Variants in TRPM3 observed in about 807,000 individuals in gnomAD.
The protein encoded by TRPM3 is long transient receptor potential channel 3.
In TRPM3, 77 loss-of-function variants were observed where a neutral mutation model predicts 181.2. The observed-to-expected ratio is 0.42, with a 90% CI of 0.35 to 0.51. The LOEUF (loss-of-function observed/expected upper bound fraction) is 0.51. TRPM3 is among the 20% of genes least tolerant of loss of function. The pLI is 0.01. For missense variants in TRPM3, 1,759 were observed against 2,196.7 expected (o/e 0.80, Z 3.98); for synonymous variants, 745 against 796.4 (o/e 0.94, Z 1.09).
intron 1 of TRPM3, among the ~76,000 whole-genome samples, chr9:70,923,563 A>G (rs2096681645): frequency 6.6e-6 from 1 of 152,128 alleles, no homozygotes; most frequent in Non-Finnish European, 1.5e-5. Context: ...AAGTAATGCC[A>G]TTAATACAAG....
intron 1 of TRPM3, among the ~76,000 whole-genome samples, chr9:71,446,289 A>G (rs2094202409): frequency 6.6e-6 from 1 of 152,200 alleles, no homozygotes; most frequent in African/African-American, 2.4e-5. Context: ...TACCTTCGAC[A>G]TGCTGCACAG....
rs368789566 is a variant in TRPM3 at position 70,915,105 on chromosome 9, C to A, written c.178-50594G>T. On this transcript the variant is annotated intron_variant, in intron 1 of 25. Coordinates refer to ENST00000677713, the MANE Select transcript of TRPM3 (RefSeq NM_001366145.2). ...GAAAACATGGCCTCATGAAATGAAC[C>A]AAATAAGATCATAGAGAAACAGAGA... Among the ~76,000 whole-genome samples the A allele has an allele frequency of 2.6e-5, 4 of 152,188 alleles. No homozygotes were observed. The South Asian group carries it at 6.2e-4, about 24-fold the overall frequency.
At chr9:70,830,084 A>C (rs10868901) in intron 5 of TRPM3, among the ~76,000 whole-genome samples, 41,566 of 152,114 alleles carry the variant, frequency 0.27, 6,293 homozygotes, top group Non-Finnish European at 0.33. Context: ...GGGTAAGACC[A>C]AAGCAGTCTG....
At chr9:70,620,052 G>A (rs753394337) in intron 16 of TRPM3, 24 bp downstream of exon 16, 1 of 1,586,362 alleles carries the variant, frequency 6.3e-7, no homozygotes. Context: ...CCCCTGACCA[G>A]CCCATTTTGC....
At chr9:70,905,433 C>A (rs1480362869) in intron 1 of TRPM3, among the ~76,000 whole-genome samples, 3 of 151,986 alleles carry the variant, frequency 2.0e-5, no homozygotes, top group South Asian at 4.2e-4. Flanking sequence ...CAGAAGATAC[C>A]AAAGGTCCTA....
In TRPM3 at chr9:70,642,220, A is replaced by C. The variant is rs1314053296; in HGVS notation, c.1346-1560T>G. ...CCAGTTAATCTGGGGACTGGGTCTTATTGTCTCCTGTCTCATTGAAACATA... is the reference window on the plus strand; with the variant it reads ...CCAGTTAATCTGGGGACTGGGTCTTCTTGTCTCCTGTCTCATTGAAACATA... On this transcript the variant is annotated intron_variant, in intron 9 of 25. Transcript: ENST00000677713. 2.0e-5 allele frequency among the ~76,000 whole-genome samples: 3 copies of C among 152,226 alleles called. No homozygotes were observed. In the South Asian group the frequency reaches 6.2e-4, roughly 32 times the overall value.
chr9:70,957,256 G>A (rs985381696), intron 1 of TRPM3, among the ~76,000 whole-genome samples: 3 of 151,980 alleles, frequency 2.0e-5, no homozygotes, highest in Admixed American at 6.6e-5. Context: ...GAGCCACTGC[G>A]CCTGGCCAAC....
chr9:71,200,269 T>G (rs190054743), intron 1 of TRPM3, among the ~76,000 whole-genome samples: 28 of 151,998 alleles, frequency 1.8e-4, no homozygotes, highest in African/African-American at 6.5e-4. Flanking sequence ...CTTTTACACT[T>G]GCTGAGGAGA....
intron 1 of TRPM3, among the ~76,000 whole-genome samples, chr9:71,189,131 AT>A (rs2077859386): frequency 6.6e-6 from 1 of 151,816 alleles, no homozygotes; most frequent in Non-Finnish European, 1.5e-5. Context: ...GATGTTTAGA[AT>A]TTCTGGGATA....
At chr9:71,444,248 C>T (rs7856109) in intron 1 of TRPM3, among the ~76,000 whole-genome samples, 7 of 150,796 alleles carry the variant, frequency 4.6e-5, no homozygotes, top group Non-Finnish European at 8.8e-5. Flanking sequence ...ATCATTCCCT[C>T]GGAATAACTT....
intron 1 of TRPM3, among the ~76,000 whole-genome samples, chr9:71,347,528 G>C (rs990095955): frequency 6.6e-6 from 1 of 152,062 alleles, no homozygotes; most frequent in South Asian, 2.1e-4. Context: ...TGGATACTGT[G>C]GTTAGTTTTA....
chr9:71,182,003 G>A (rs1301482496), intron 1 of TRPM3, among the ~76,000 whole-genome samples: 1 of 152,078 alleles, frequency 6.6e-6, no homozygotes, highest in African/African-American at 2.4e-5. Context: ...TCATTGTTAG[G>A]CATGTTAAAT....
At chr9:70,672,871 G>T (rs930327431) in intron 9 of TRPM3, among the ~76,000 whole-genome samples, 1 of 151,970 alleles carries the variant, frequency 6.6e-6, no homozygotes, top group African/African-American at 2.4e-5. Flanking sequence ...GTGCAACTAG[G>T]GTCATCTGGG....
intron 16 of TRPM3, 53 bp downstream of exon 16, chr9:70,620,023 G>A: frequency 1.9e-6 from 3 of 1,545,064 alleles, no homozygotes; most frequent in East Asian, 2.3e-5. Flanking sequence ...AGCACTGGGA[G>A]CCCACCTTTC....
intron 3 of TRPM3, 52 bp downstream of exon 3, chr9:70,862,856 G>C (rs2095556426): frequency 6.3e-7 from 1 of 1,577,192 alleles, no homozygotes; most frequent in Non-Finnish European, 8.7e-7. Flanking sequence ...CCCTTTGCAG[G>C]ACTTGAGACT....
At chr9:71,206,936 C>T (rs1225427199) in intron 1 of TRPM3, among the ~76,000 whole-genome samples, 2 of 152,036 alleles carry the variant, frequency 1.3e-5, no homozygotes, top group Non-Finnish European at 2.9e-5. Context: ...ACATCAAGGA[C>T]TAACTCATGA....
At chr9:71,140,711 G>A (rs977669172) in intron 1 of TRPM3, among the ~76,000 whole-genome samples, 4 of 152,126 alleles carry the variant, frequency 2.6e-5, no homozygotes, top group African/African-American at 9.7e-5. Context: ...GTCAGGTACT[G>A]AGATAAGTAG....
intron 1 of TRPM3, among the ~76,000 whole-genome samples, chr9:71,009,091 C>T (rs2134341144): frequency 6.6e-6 from 1 of 152,224 alleles, no homozygotes; most frequent in African/African-American, 2.4e-5. Context: ...CAATAAAGGC[C>T]ATATATAACA....
chr9:71,260,096 T>C (rs573667626), intron 1 of TRPM3, among the ~76,000 whole-genome samples: 1 of 152,320 alleles, frequency 6.6e-6, no homozygotes, highest in East Asian at 1.9e-4. Flanking sequence ...GTTTTCTGAA[T>C]ATGGCTAAGC....
Sources: allele counts gnomAD v4.1 joint callset (sites outside exome capture counted in the v4.1 genomes callset), GRCh38; gene constraint gnomAD v4.1.1; transcripts MANE v1.5; gene names NCBI Gene and HGNC (gene_info 2026-07-23, HGNC 2026-07-21).